The following TRPV3 variants were observed in gnomAD, a reference collection of about 807,000 sequenced individuals.
TRPV3 encodes the protein transient receptor potential cation channel subfamily V member 3, also known as VRL-3.
In TRPV3, 88 loss-of-function variants were observed where a neutral mutation model predicts 87.1. The observed-to-expected ratio is 1.01, with a 90% CI of 0.85 to 1.21. TRPV3 has a LOEUF of 1.21. TRPV3 is among the 50% of genes most tolerant of loss of function. The pLI is 0.00. For synonymous variants in TRPV3, 438 were observed against 423.3 expected (o/e 1.03, Z -0.43); for missense variants, 1,054 against 1,030.1 (o/e 1.02, Z -0.32).
Position 3,518,545 on chromosome 17 carries a change from C to G in TRPV3, c.2085+31G>C. 2.0e-6 allele frequency: 3 copies of G among 1,529,316 alleles called. No homozygotes were observed. Among genetic ancestry groups the G allele is most frequent in the South Asian group, 2.5e-5 (2 of 79,068 alleles). The allele number at this position is 1,529,316 out of a possible 1,614,324, so 94.7% of individuals were successfully genotyped here. On this transcript the variant is annotated intron_variant, in intron 15 of 17. Coordinates refer to ENST00000576742, the MANE Select transcript of TRPV3 (RefSeq NM_145068.4). The surrounding 1 kb of genome is among the most constrained non-coding windows in gnomAD (Gnocchi z 4.3). ...CGTGCTGAACTGAGTCCCGTGGAGG[C>G]CCCCACGCTGGGGTCTCCACCTAGG...
rs146850490 is a variant in TRPV3 at position 3,531,642 on chromosome 17, G to A, written c.1065+1015C>T. Among the ~76,000 whole-genome samples, 303 of 152,264 alleles carry A rather than the reference G, an allele frequency of 2.0e-3. 1 individual carries two copies. Among genetic ancestry groups the A allele is most frequent in the Non-Finnish European group, 3.4e-3 (234 of 67,992 alleles). ...GGCTGGGGTGGCAGGGACAGCACCCGCCACAGTGGCACACAGGGAAGACGG... is the reference window on the plus strand; with the variant it reads ...GGCTGGGGTGGCAGGGACAGCACCCACCACAGTGGCACACAGGGAAGACGG... On this transcript the variant is annotated intron_variant, in intron 8 of 17. Transcript: ENST00000576742.
chr17:3,530,716 A>T lies in TRPV3; in HGVS notation c.1066-513T>A, dbSNP rs972818163. Among the ~76,000 whole-genome samples, 7 of 152,158 alleles carry T rather than the reference A, an allele frequency of 4.6e-5. No homozygotes were observed. Among genetic ancestry groups the T allele is most frequent in the African/African-American group, 1.7e-4 (7 of 41,446 alleles). The stretch of plus-strand genomic sequence containing the variant: ...CCCGTGGGACTTCGGTAGGCCAGTG[A>T]TCCTCAAACTCTGCTGCATGTTAGG... On this transcript the variant is annotated intron_variant, in intron 8 of 17. Transcript: ENST00000576742. This position sits in a 1 kb window ranked among gnomAD's most constrained non-coding sequence, Gnocchi z 4.0.
chr17:3,541,956 T>C (rs2074466461), intron 6 of TRPV3, among the ~76,000 whole-genome samples: 2 of 152,152 alleles, frequency 1.3e-5, no homozygotes, highest in Non-Finnish European at 2.9e-5. Flanking sequence ...TTTCTTTCTG[T>C]CTTTACTTAT....
chr17:3,524,322 T>A lies in TRPV3; in HGVS notation c.1619A>T (p.Tyr540Phe). 6.2e-7 allele frequency: 1 copy of A among 1,614,178 alleles called. No homozygotes were observed. Among genetic ancestry groups the A allele is most frequent in the Non-Finnish European group, 8.5e-7 (1 of 1,180,046 alleles). ...AVLVILSVFL[Y>F]LFAYKEYLAC... Reference sequence around the variant, plus strand: ...GAGGTACTCTTTGTAGGCAAACAAGTACAAGAAGACAGACAGTATCACAAG... The same window carrying A: ...GAGGTACTCTTTGTAGGCAAACAAGAACAAGAAGACAGACAGTATCACAAG... Residue 540 changes from tyrosine to phenylalanine, a missense_variant, in exon 13 of 18, where the codon TAC becomes TTC. By Grantham distance (22) the Tyr-to-Phe change is conservative (BLOSUM62 3). Transcript: ENST00000576742.
Position 3,542,584 on chromosome 17 carries a change from G to A in TRPV3, c.581C>T (p.Ala194Val), listed in dbSNP as rs2074475846. The A allele has an allele frequency of 1.2e-6, 2 of 1,614,010 alleles. No homozygotes were observed. The highest frequency in any genetic ancestry group is 4.5e-5 in the East Asian group (2 of 44,866). The change falls in exon 6 of 18, where the codon GCT (alanine) becomes GTT (valine). Residue 194 changes from alanine (A) to valine (V), a missense_variant. Ala to Val is a moderately conservative substitution (Grantham distance 64, BLOSUM62 0). Coordinates refer to ENST00000576742, the MANE Select transcript of TRPV3 (RefSeq NM_145068.4). ...CCTGCCCAGGATGTCGTTCTCTTCA[G>A]CAAAGGCAAGCAGGATCCGCACTAT... Reference protein sequence around the residue: ...KEIVRILLAFAEENDILGRFI... With the variant: ...KEIVRILLAFVEENDILGRFI...
At chr17:3,532,419 C>T (rs1363998255) in intron 8 of TRPV3, among the ~76,000 whole-genome samples, 2 of 152,264 alleles carry the variant, frequency 1.3e-5, no homozygotes, top group Admixed American at 6.5e-5. Context: ...GATGGAAACG[C>T]GGCGTATTAG....
rs1239337842 is a variant in TRPV3 at position 3,541,314 on chromosome 17, G to A, written c.643+1208C>T. ...ACCTGGGAGGCAGAGGTTGCAGTGA[G>A]CCAAGATCGCGCCACTGCACTCCAG... On this transcript the variant is annotated intron_variant, in intron 6 of 17. Coordinates refer to ENST00000576742, the MANE Select transcript of TRPV3 (RefSeq NM_145068.4). Among the ~76,000 whole-genome samples, 3 of 152,184 alleles carry A rather than the reference G, an allele frequency of 2.0e-5. No homozygotes were observed. In the East Asian group the frequency reaches 5.8e-4, roughly 29 times the overall value.
At chr17:3,515,512 T>G (rs113039206) in intron 16 of TRPV3, among the ~76,000 whole-genome samples, 1,733 of 151,998 alleles carry the variant, frequency 0.011, 35 homozygotes, top group African/African-American at 0.039. Context: ...AATACAAAAA[T>G]TATCCAGGCG....
At chr17:3,525,947 G>A (rs1237517810) in intron 12 of TRPV3, among the ~76,000 whole-genome samples, 13 of 151,968 alleles carry the variant, frequency 8.6e-5, no homozygotes, top group South Asian at 4.1e-4. Flanking sequence ...ATAATATATC[G>A]CAAACATACA....
intron 16 of TRPV3, among the ~76,000 whole-genome samples, chr17:3,515,426 C>T (rs559505148): frequency 1.3e-5 from 2 of 152,070 alleles, no homozygotes; most frequent in South Asian, 2.1e-4. Flanking sequence ...TTTGGGAGGC[C>T]GAGGGGGGTG....
chr17:3,517,488 G>A (rs112423249), intron 15 of TRPV3, among the ~76,000 whole-genome samples: 95 of 151,258 alleles, frequency 6.3e-4, no homozygotes, highest in Non-Finnish European at 1.0e-3. Flanking sequence ...GTGTGGTGGC[G>A]CGTGCCTGTA....
chr17:3,538,619 C>G (rs1392025059), intron 6 of TRPV3, among the ~76,000 whole-genome samples: 1 of 151,668 alleles, frequency 6.6e-6, no homozygotes, highest in African/African-American at 2.4e-5. Flanking sequence ...GAGTCTCCCT[C>G]TGTTGCCCAG....
At position 3,530,087 on chromosome 17, in the gene TRPV3, G is replaced by C. The variant is rs772110459; in HGVS notation, c.1182C>G (p.Asn394Lys). ...PVSSSLYDLT[N>K]VDTTTDNSVL... The stretch of plus-strand genomic sequence containing the variant: ...CTGAGTTGTCCGTGGTGGTGTCCAC[G>C]TTGGTGAGGTCGTAGAGGGAGGATG... Residue 394 changes from asparagine to lysine, a missense_variant, in exon 9 of 18, where the codon AAC becomes AAG. Coordinates refer to ENST00000576742, the MANE Select transcript of TRPV3 (RefSeq NM_145068.4). This position sits in a 1 kb window ranked among gnomAD's most constrained non-coding sequence, Gnocchi z 4.0. 1 of 1,614,076 alleles carries C rather than the reference G, an allele frequency of 6.2e-7. No individual in the cohort carries two copies. The highest frequency in any genetic ancestry group is 8.5e-7 in the Non-Finnish European group (1 of 1,179,976).
Position 3,556,316 on chromosome 17 carries a change from G to A in TRPV3, c.-3+1360C>T, listed in dbSNP as rs917173677. 1.3e-5 allele frequency among the ~76,000 whole-genome samples: 2 copies of A among 152,084 alleles called. No individual in the cohort carries two copies. Among genetic ancestry groups the A allele is most frequent in the South Asian group, 2.1e-4 (1 of 4,814 alleles). The stretch of plus-strand genomic sequence containing the variant: ...AGCGCGGGCTGCGTTGGGGGGTGGG[G>A]GAGACCAGAAGCCAGGGGCCAGGAG... On this transcript the variant is annotated intron_variant, in intron 1 of 17. Coordinates refer to ENST00000576742, the MANE Select transcript of TRPV3 (RefSeq NM_145068.4). This position sits in a 1 kb window ranked among gnomAD's most constrained non-coding sequence, Gnocchi z 4.2.
rs1241095433 is a variant in TRPV3 at position 3,511,589 on chromosome 17, G to A, written c.*2328C>T. 6.6e-6 allele frequency: 1 copy of A among 152,208 alleles called. No homozygotes were observed. Among genetic ancestry groups the A allele is most frequent in the East Asian group, 1.9e-4 (1 of 5,196 alleles). 9.4% of individuals were successfully genotyped at this position (152,208 alleles called of 1,614,324 possible). A position where few individuals can be genotyped will look rare whatever the true frequency, so the allele number is the denominator to read the frequency against. On this transcript the variant is annotated 3_prime_UTR_variant, in exon 18 of 18. Transcript: ENST00000576742. ...ACGTTTTGGCTGAAAGCCTTTTGGGGTGGACACTGTTGGGAAGAATATCCA... is the reference window on the plus strand; with the variant it reads ...ACGTTTTGGCTGAAAGCCTTTTGGGATGGACACTGTTGGGAAGAATATCCA...
chr17:3,514,621 G>A lies in TRPV3; in HGVS notation c.2250C>T (p.Asn750=), dbSNP rs967752259. 4.3e-6 allele frequency: 7 copies of A among 1,613,864 alleles called. No individual in the cohort carries two copies. The highest frequency in any genetic ancestry group is 5.9e-6 in the Non-Finnish European group (7 of 1,179,886). Residue 750 remains asparagine (N), a synonymous_variant, in exon 17 of 18, where the codon AAC becomes AAT. Transcript: ENST00000576742. ...TTCGTCTTACAGGCCCCGGGTCTTC[G>A]TTAAGGAAGGAGACGTGCGTCTTCC... ...TEWKTHVSFL[N]EDPGPVRRTD...
intron 11 of TRPV3, 173 bp downstream of exon 11, chr17:3,527,852 T>C: frequency 3.3e-6 from 2 of 606,968 alleles, no homozygotes; most frequent in East Asian, 2.8e-5. Context: ...ATGAAGTAGG[T>C]AGGATAGGCC....
At chr17:3,519,451 TA>T (rs2074216224) in intron 14 of TRPV3, among the ~76,000 whole-genome samples, 33 of 129,466 alleles carry the variant, frequency 2.5e-4, no homozygotes, top group African/African-American at 9.0e-4. Flanking sequence ...GATGGATGGA[TA>T]GATGATTAGA....
At chr17:3,516,387 C>T in intron 16 of TRPV3, 70 bp downstream of exon 16, 2 of 1,206,336 alleles carry the variant, frequency 1.7e-6, no homozygotes, top group Non-Finnish European at 2.5e-6. Context: ...TCTCTAACAT[C>T]CTGTCACCAT....
Sources: allele counts gnomAD v4.1 joint callset (sites outside exome capture counted in the v4.1 genomes callset), GRCh38; gene constraint gnomAD v4.1.1; non-coding constraint Gnocchi (gnomAD v3.1); transcripts MANE v1.5; gene names NCBI Gene and HGNC (gene_info 2026-07-23, HGNC 2026-07-21).